MERTK: variants seen among roughly 807,000 people sequenced by gnomAD.
MERTK encodes the protein tyrosine-protein kinase Mer.
In MERTK, 69 loss-of-function variants were observed where a neutral mutation model predicts 99.3. That is an observed-to-expected ratio of 0.70 (90% CI 0.57 to 0.85). The LOEUF is 0.85. Among genes scored for constraint, MERTK ranks in the 40% least tolerant of loss-of-function variants. The probability of loss-of-function intolerance (pLI) is 0.00; values close to 1 mark genes in which losing one functional copy is unlikely to be tolerated. For synonymous variants in MERTK, 426 were observed against 467.6 expected, an observed-to-expected ratio of 0.91 and a Z score of 1.15; for missense variants, 1,125 against 1,249.4, an observed-to-expected ratio of 0.90 and a Z score of 1.50.
intron 15 of MERTK, among the ~76,000 whole-genome samples, chr2:112,014,901 A>T (rs934089374): frequency 1.3e-5 from 2 of 152,156 alleles, no homozygotes; most frequent in Non-Finnish European, 2.9e-5. Context: ...GGCCTCCCAA[A>T]ATGCTGGGAT....
chr2:111,927,141 G>T (rs1267435009), intron 1 of MERTK, among the ~76,000 whole-genome samples: 1 of 152,204 alleles, frequency 6.6e-6, no homozygotes, highest in Non-Finnish European at 1.5e-5. Context: ...CTGTATCCTT[G>T]TAGGAAAATC....
chr2:112,006,464 C>G (rs1415268220), intron 13 of MERTK, among the ~76,000 whole-genome samples: 1 of 152,106 alleles, frequency 6.6e-6, no homozygotes, highest in Non-Finnish European at 1.5e-5. Context: ...CTGCACTGTT[C>G]CTGCCTCTTG....
At chr2:111,996,556 T>C (rs1676743748) in intron 9 of MERTK, 1 of 154,844 alleles carries the variant, frequency 6.5e-6, no homozygotes, top group Admixed American at 6.5e-5. Context: ...AAAGTGATAG[T>C]GTTCAACGTA....
intron 4 of MERTK, among the ~76,000 whole-genome samples, chr2:111,957,294 C>A (rs1049947202): frequency 3.3e-5 from 5 of 152,138 alleles, no homozygotes; most frequent in African/African-American, 1.2e-4. Context: ...TCATATCAGC[C>A]CTCTGCTCAG....
chr2:111,899,564 C>T (rs1359811539), intron 1 of MERTK, among the ~76,000 whole-genome samples: 1 of 151,880 alleles, frequency 6.6e-6, no homozygotes, highest in Non-Finnish European at 1.5e-5. Context: ...GTCGCCCAGG[C>T]TGGAGTGCCG....
chr2:111,999,233 T>C (rs934366408), intron 10 of MERTK, among the ~76,000 whole-genome samples: 1 of 152,208 alleles, frequency 6.6e-6, no homozygotes, highest in African/African-American at 2.4e-5. Flanking sequence ...CATAATACTT[T>C]CCCACCAATT....
rs1236016387 is a variant in MERTK, at chr2:112,010,096, A to T, written c.2079+30A>T. ...TGATCTCCTTGTGTTACCCCTGAACACTTCTCAGGGCTTATGTGACTTAGC... is the reference window on the plus strand; with the variant it reads ...TGATCTCCTTGTGTTACCCCTGAACTCTTCTCAGGGCTTATGTGACTTAGC... On this transcript the variant is annotated intron_variant, in intron 15 of 18. Transcript: ENST00000295408. The T allele has an allele frequency of 2.0e-6, 3 of 1,473,872 alleles. No homozygotes were observed. In the East Asian group the frequency reaches 6.8e-5, roughly 33 times the overall value. The allele number at this position is 1,473,872 out of a possible 1,614,324, so 91.3% of individuals were successfully genotyped here. A position where few individuals can be genotyped will look rare whatever the true frequency, so the allele number is the denominator to read the frequency against.
intron 2 of MERTK, among the ~76,000 whole-genome samples, chr2:111,937,289 TA>T (rs369142608): frequency 1.2e-3 from 172 of 144,718 alleles, no homozygotes; most frequent in Middle Eastern, 7.1e-3. Context: ...TACAAAAAAT[TA>T]AAAAAAAAAA....
In MERTK at chr2:112,028,911, T is replaced by C; in HGVS notation, c.*47T>C. 1 of 1,612,818 alleles carries C rather than the reference T, an allele frequency of 6.2e-7. No homozygotes were observed. The highest frequency in any genetic ancestry group is 8.5e-7 in the Non-Finnish European group (1 of 1,179,962). On this transcript the variant is annotated 3_prime_UTR_variant, in exon 19 of 19. Transcript: ENST00000295408. ...CCAAAAATCAAGCCAATTCTTCTGCTGTAGGAGAATCCAATTGTACCTGAT... is the reference window on the plus strand; with the variant it reads ...CCAAAAATCAAGCCAATTCTTCTGCCGTAGGAGAATCCAATTGTACCTGAT...
intron 2 of MERTK, among the ~76,000 whole-genome samples, chr2:111,936,911 G>T (rs1684774476): frequency 6.6e-6 from 1 of 152,092 alleles, no homozygotes; most frequent in South Asian, 2.1e-4. Context: ...CTCTAGCTTG[G>T]GTGGAAATGT....
chr2:111,941,771 G>A (rs566317292), intron 2 of MERTK, among the ~76,000 whole-genome samples: 1 of 152,334 alleles, frequency 6.6e-6, no homozygotes, highest in East Asian at 1.9e-4. Context: ...AATTAATGCA[G>A]GTGCCTATTT....
intron 6 of MERTK, among the ~76,000 whole-genome samples, chr2:111,970,650 A>G (rs1676087496): frequency 1.3e-5 from 2 of 152,024 alleles, no homozygotes; most frequent in African/African-American, 4.8e-5. Flanking sequence ...ACCTTCTAGA[A>G]TAAGTATGAA....
intron 1 of MERTK, 122 bp downstream of exon 1, chr2:111,898,918 C>A (rs537099388): frequency 2.9e-6 from 3 of 1,018,828 alleles, no homozygotes; most frequent in Non-Finnish European, 4.2e-6. Context: ...TTGCAAACAC[C>A]CTCCACCCAC....
At chr2:111,902,611 C>T (rs537954344) in intron 1 of MERTK, among the ~76,000 whole-genome samples, 9 of 152,234 alleles carry the variant, frequency 5.9e-5, no homozygotes, top group East Asian at 3.9e-4. Flanking sequence ...CCCAAGATCT[C>T]GGCATGCTGG....
rs549746532 is a variant in MERTK, at chr2:111,898,622, C to G, written c.-114C>G. ...TGGCTCCGCCACTCGGCACTCACTG[C>G]CCGGGCCGCCCGGACAGGGAGCTTC... On this transcript the variant is annotated 5_prime_UTR_variant, in exon 1 of 19. Transcript: ENST00000295408. The G allele has an allele frequency of 7.7e-7, 1 of 1,306,330 alleles. No homozygotes were observed. The highest frequency in any genetic ancestry group is 1.1e-6 in the Non-Finnish European group (1 of 929,524). 80.9% of individuals were successfully genotyped at this position (1,306,330 alleles called of 1,614,324 possible).
At chr2:112,011,390 A>C (rs989073649) in intron 15 of MERTK, among the ~76,000 whole-genome samples, 3 of 152,192 alleles carry the variant, frequency 2.0e-5, no homozygotes, top group African/African-American at 4.8e-5. Context: ...GCCTAGGGTC[A>C]GCCAGGTCGC....
At chr2:111,920,706 T>G (rs1684440410) in intron 1 of MERTK, among the ~76,000 whole-genome samples, 1 of 152,106 alleles carries the variant, frequency 6.6e-6, no homozygotes, top group African/African-American at 2.4e-5. Flanking sequence ...TACGCTGGAG[T>G]GCAGTGGCGT....
intron 7 of MERTK, among the ~76,000 whole-genome samples, chr2:111,982,389 C>T (rs1676390355): frequency 6.6e-6 from 1 of 151,912 alleles, no homozygotes; most frequent in East Asian, 1.9e-4. Flanking sequence ...CTTTCTCTTT[C>T]TTTCCTTCTT....
chr2:111,974,115 G>A (rs1009142811), intron 6 of MERTK, among the ~76,000 whole-genome samples: 29 of 151,016 alleles, frequency 1.9e-4, no homozygotes, highest in African/African-American at 6.8e-4. Flanking sequence ...CAGGATGAGT[G>A]CATTGGCTCA....
Sources: gnomAD v4.1 joint callset for allele counts (sites outside exome capture counted in the v4.1 genomes callset) on GRCh38, gnomAD v4.1.1 for gene constraint, MANE v1.5 for transcripts, NCBI Gene and HGNC (gene_info 2026-07-23, HGNC 2026-07-21) for gene names.